Variants in NXN observed in about 807,000 individuals in gnomAD.
NXN encodes nucleoredoxin 1.
Under a neutral mutation model 48.6 loss-of-function variants are expected in NXN, and 16 were observed. The ratio of observed to expected loss-of-function variants is 0.33; its 90% CI spans 0.22 to 0.50. The LOEUF is 0.50. NXN is among the 20% of genes least tolerant of loss of function. NXN has a pLI of 0.98. For synonymous variants in NXN, 281 were observed against 269.6 expected (o/e 1.04, Z -0.41); for missense variants, 492 against 605.5 (o/e 0.81, Z 1.97).
At chr17:965,062 A>T (rs1028961202) in intron 1 of NXN, among the ~76,000 whole-genome samples, 29 of 152,040 alleles carry the variant, frequency 1.9e-4, no homozygotes, top group Admixed American at 5.9e-4. Context: ...CAAATGGGGG[A>T]CTCTCAACCG....
intron 1 of NXN, among the ~76,000 whole-genome samples, chr17:827,723 G>A (rs4393628): frequency 0.33 from 50,442 of 152,144 alleles, 8,665 homozygotes; most frequent in East Asian, 0.51. Context: ...TAGGCCGTTC[G>A]GCTCTGAGCC....
intron 4 of NXN, 134 bp downstream of exon 4, chr17:822,223 G>C (rs1280704289): frequency 4.1e-5 from 23 of 567,898 alleles, no homozygotes; most frequent in Non-Finnish European, 7.3e-5. Flanking sequence ...AGGTTGCAGT[G>C]AGCTGAGATC....
At chr17:806,640 C>T (rs1477439966) in intron 5 of NXN, among the ~76,000 whole-genome samples, 1 of 152,092 alleles carries the variant, frequency 6.6e-6, no homozygotes, top group Non-Finnish European at 1.5e-5. Context: ...ATGTGAAAGT[C>T]AGAGCAATTT....
intron 1 of NXN, among the ~76,000 whole-genome samples, chr17:876,088 G>A (rs1004666792): frequency 1.3e-5 from 2 of 152,142 alleles, no homozygotes; most frequent in Middle Eastern, 3.4e-3. Context: ...GGCTGAGGCT[G>A]GAGAATCGCT....
chr17:973,088 T>G (rs1183926612), intron 1 of NXN, among the ~76,000 whole-genome samples: 4 of 150,456 alleles, frequency 2.7e-5, no homozygotes, highest in African/African-American at 7.3e-5. Flanking sequence ...AGGGCTTGCC[T>G]CTGTGCTCTA....
intron 1 of NXN, among the ~76,000 whole-genome samples, chr17:867,667 T>C (rs1463556741): frequency 6.6e-6 from 1 of 152,188 alleles, no homozygotes; most frequent in Non-Finnish European, 1.5e-5. Context: ...GGCTCTTCCC[T>C]GTAATCCCAG....
intron 1 of NXN, chr17:864,002 A>G (rs75746040): frequency 1.3e-6 from 2 of 1,534,948 alleles, no homozygotes; most frequent in Middle Eastern, 1.7e-4. Context: ...TTTCGGTGAA[A>G]GGACACAGTT....
chr17:811,168 G>A (rs1196695396), intron 5 of NXN, among the ~76,000 whole-genome samples: 1 of 152,180 alleles, frequency 6.6e-6, no homozygotes, highest in African/African-American at 2.4e-5. Context: ...AAACAGAGAA[G>A]AGGATTCAAC....
intron 1 of NXN, among the ~76,000 whole-genome samples, chr17:894,994 C>CTTTTTTTTT (rs778350779): frequency 3.3e-5 from 2 of 60,748 alleles, no homozygotes; most frequent in Non-Finnish European, 3.0e-5. Flanking sequence ...TCACCCTTTC[C>CTTTTTTTTT]TTTTTTTTTT....
rs142081946 is a variant in NXN, at chr17:901,042, T to G, written c.361-74964A>C. On this transcript the variant is annotated intron_variant, in intron 1 of 7. Transcript: ENST00000336868. Reference sequence around the variant, plus strand: ...TTCAAGTGATTCTCGTGCCTCAGCCTCCCGAGTAGCTGGGATTGCAGGCAT... The same window carrying G: ...TTCAAGTGATTCTCGTGCCTCAGCCGCCCGAGTAGCTGGGATTGCAGGCAT... 4.6e-3 allele frequency among the ~76,000 whole-genome samples: 679 copies of G among 149,124 alleles called. 1 individual carries two copies. The highest frequency in any genetic ancestry group is 0.014 in the African/African-American group (573 of 40,644).
chr17:957,683 T>C (rs2069187551), intron 1 of NXN, among the ~76,000 whole-genome samples: 1 of 151,162 alleles, frequency 6.6e-6, no homozygotes, highest in Non-Finnish European at 1.5e-5. Flanking sequence ...GGTTCTTTGG[T>C]TTGAGTGTGG....
chr17:829,638 C>T (rs1187972447), intron 1 of NXN, among the ~76,000 whole-genome samples: 1 of 152,070 alleles, frequency 6.6e-6, no homozygotes, highest in African/African-American at 2.4e-5. Context: ...CACCTGCCAA[C>T]AGGCCCCAGT....
intron 1 of NXN, among the ~76,000 whole-genome samples, chr17:960,970 G>A (rs1216057025): frequency 6.6e-6 from 1 of 151,768 alleles, no homozygotes. Context: ...ATTTTTAGTA[G>A]AGACGGGGTT....
intron 1 of NXN, among the ~76,000 whole-genome samples, chr17:844,938 C>G (rs936472028): frequency 6.6e-6 from 1 of 151,994 alleles, no homozygotes; most frequent in Non-Finnish European, 1.5e-5. Context: ...ACAGACCTAC[C>G]CCCAGGAGAC....
rs1419775379 is a variant in NXN at position 819,563 on chromosome 17, T to C, written c.714-18A>G. ...CCTCCGACCTACAGAGAGACACACG[T>C]GGCGGGCAAGGCTCAGTATCCCCAC... On this transcript the variant is annotated intron_variant, in intron 4 of 7. Transcript: ENST00000336868. 3.2e-6 allele frequency: 5 copies of C among 1,556,488 alleles called. No homozygotes were observed. The highest frequency in any genetic ancestry group is 1.7e-4 in the Middle Eastern group (1 of 5,838).
chr17:834,958 C>T (rs1389227642), intron 1 of NXN, among the ~76,000 whole-genome samples: 1 of 151,238 alleles, frequency 6.6e-6, no homozygotes, highest in Non-Finnish European at 1.5e-5. Context: ...TTCTCATGAT[C>T]CCTTGCTGAA....
intron 5 of NXN, chr17:819,199 A>G (rs1912665676): frequency 2.0e-6 from 1 of 501,322 alleles, no homozygotes. Flanking sequence ...CACCTGCCTC[A>G]GCCTCCCAAA....
chr17:833,964 C>T (rs1913641816), intron 1 of NXN, among the ~76,000 whole-genome samples: 1 of 152,340 alleles, frequency 6.6e-6, no homozygotes, highest in Non-Finnish European at 1.5e-5. Context: ...GAGCTCATGC[C>T]TTCAGGATGG....
Position 978,080 on chromosome 17 carries a change from A to G in NXN, c.360+1239T>C, listed in dbSNP as rs75638014. Among the ~76,000 whole-genome samples the G allele has an allele frequency of 4.5e-3, 678 of 152,308 alleles. 6 individuals carry two copies. Among genetic ancestry groups the G allele is most frequent in the African/African-American group, 0.015 (640 of 41,564 alleles). On this transcript the variant is annotated intron_variant, in intron 1 of 7. Transcript: ENST00000336868. The surrounding 1 kb of genome is among the most constrained non-coding windows in gnomAD (Gnocchi z 4.1). Reference sequence around the variant, plus strand: ...GTCACAGTGTAAGCCTTTTGCTCCCAGTAAATCTAAATCATGCTTCTCAAC... The same window carrying G: ...GTCACAGTGTAAGCCTTTTGCTCCCGGTAAATCTAAATCATGCTTCTCAAC...
Sources: gnomAD v4.1 joint callset for allele counts (sites outside exome capture counted in the v4.1 genomes callset) on GRCh38, gnomAD v4.1.1 for gene constraint, Gnocchi (gnomAD v3.1) non-coding constraint, MANE v1.5 for transcripts, NCBI Gene and HGNC (gene_info 2026-07-23, HGNC 2026-07-21) for gene names.